BNC2: variants seen among roughly 807,000 people sequenced by gnomAD.
BNC2 encodes zinc finger protein basonuclin-2.
In BNC2, 20 loss-of-function variants were observed where a neutral mutation model predicts 76.3. The ratio of observed to expected loss-of-function variants is 0.26; its 90% CI spans 0.18 to 0.38. BNC2 has a LOEUF of 0.38. Ranked by LOEUF, BNC2 falls within the 10% of genes least tolerant of loss-of-function variation. The pLI is 1.00. For missense variants in BNC2, 1,382 were observed against 1,399.8 expected, an observed-to-expected ratio of 0.99 and a Z score of 0.20; for synonymous variants, 582 against 514.8, an observed-to-expected ratio of 1.13 and a Z score of -1.77.
In BNC2 at chr9:16,445,643, T is replaced by C. The variant is rs143456179; in HGVS notation, c.670-8119A>G. The stretch of plus-strand genomic sequence containing the variant: ...CCAATCACATCCCTACTCTCCTCTC[T>C]AGGACAGGGATGCCCCATGAGTGAG... On this transcript the variant is annotated intron_variant, in intron 5 of 6. Transcript: ENST00000380672. Among the ~76,000 whole-genome samples the C allele has an allele frequency of 2.2e-3, 332 of 152,310 alleles. 1 individual carries two copies. Among genetic ancestry groups the C allele is most frequent in the African/African-American group, 7.7e-3 (319 of 41,568 alleles).
At chr9:16,676,031 C>T (rs1475019237) in intron 3 of BNC2, among the ~76,000 whole-genome samples, 1 of 152,138 alleles carries the variant, frequency 6.6e-6, no homozygotes, top group African/African-American at 2.4e-5. Flanking sequence ...CACCACTGCG[C>T]TCCAGCCTGG....
At chr9:16,440,834 A>G (rs1445946424) in intron 5 of BNC2, among the ~76,000 whole-genome samples, 1 of 152,248 alleles carries the variant, frequency 6.6e-6, no homozygotes, top group Non-Finnish European at 1.5e-5. Context: ...GATCCAGGTA[A>G]GTATGATTTA....
intron 3 of BNC2, among the ~76,000 whole-genome samples, chr9:16,633,333 A>G (rs1821222549): frequency 6.6e-6 from 1 of 152,238 alleles, no homozygotes; most frequent in Non-Finnish European, 1.5e-5. Context: ...AAATGTTATT[A>G]ATAAGCCTTA....
At chr9:16,700,337 T>A (rs571095763) in intron 3 of BNC2, among the ~76,000 whole-genome samples, 2 of 152,150 alleles carry the variant, frequency 1.3e-5, no homozygotes, top group East Asian at 3.9e-4. Flanking sequence ...CTGCTTGAGG[T>A]CTTGATAGCA....
intron 3 of BNC2, among the ~76,000 whole-genome samples, chr9:16,618,786 C>G (rs1176738209): frequency 6.6e-6 from 1 of 152,100 alleles, no homozygotes; most frequent in South Asian, 2.1e-4. Context: ...GCTCTAACAC[C>G]GGCTTTGTCA....
intron 1 of BNC2, among the ~76,000 whole-genome samples, chr9:16,817,859 C>T (rs1036767027): frequency 6.6e-6 from 1 of 152,068 alleles, no homozygotes; most frequent in Non-Finnish European, 1.5e-5. Flanking sequence ...ATTTGATTTA[C>T]TTTTATGTTT....
chr9:16,533,445 TAA>T (rs781174343), intron 5 of BNC2, among the ~76,000 whole-genome samples: 2 of 152,054 alleles, frequency 1.3e-5, no homozygotes, highest in Non-Finnish European at 2.9e-5. Context: ...GAATAAAGCA[TAA>T]AAGAGAAATA....
chr9:16,713,798 G>T (rs1823919216), intron 3 of BNC2, among the ~76,000 whole-genome samples: 1 of 152,112 alleles, frequency 6.6e-6, no homozygotes, highest in Admixed American at 6.6e-5. Context: ...TTTTGGCTGG[G>T]CGTGGTGCCC....
chr9:16,481,101 G>A (rs1822044477), intron 5 of BNC2, among the ~76,000 whole-genome samples: 1 of 152,030 alleles, frequency 6.6e-6, no homozygotes, highest in Non-Finnish European at 1.5e-5. Flanking sequence ...TCAGGGTTTG[G>A]GCTCTGGTGG....
intron 6 of BNC2, among the ~76,000 whole-genome samples, chr9:16,425,367 G>C (rs1820784385): frequency 1.3e-5 from 2 of 151,422 alleles, no homozygotes; most frequent in East Asian, 2.0e-4. Context: ...TCAATTCACA[G>C]TGAATTATGC....
intron 5 of BNC2, among the ~76,000 whole-genome samples, chr9:16,526,938 T>C (rs1817822858): frequency 1.3e-5 from 2 of 152,174 alleles, no homozygotes; most frequent in Admixed American, 1.3e-4. Context: ...GGCATTTTAG[T>C]TGGTACAGTC....
intron 3 of BNC2, among the ~76,000 whole-genome samples, chr9:16,583,615 C>T (rs1182355697): frequency 2.0e-5 from 3 of 152,106 alleles, no homozygotes; most frequent in Non-Finnish European, 2.9e-5. Context: ...CTCCTGTGCT[C>T]AATAAGACCT....
At position 16,498,240 on chromosome 9, in the gene BNC2, CAT is replaced by C. The variant is rs756865653; in HGVS notation, c.669+54288_669+54289del. Reference sequence around the variant, plus strand: ...ATTCCATCATATATATATATTCCATCATATATATATATATTCCATCATATATA... The same window carrying C: ...ATTCCATCATATATATATATTCCATCATATATATATATTCCATCATATATA... On this transcript the variant is annotated intron_variant, in intron 5 of 6. Transcript: ENST00000380672. Among the ~76,000 whole-genome samples the C allele has an allele frequency of 1.2e-3, 115 of 99,112 alleles. 2 individuals are homozygous for C. The highest frequency in any genetic ancestry group is 2.0e-3 in the African/African-American group (62 of 30,962). The allele number at this position is 99,112 out of a possible 152,430, so 65.0% of individuals were successfully genotyped here. A position where few individuals can be genotyped will look rare whatever the true frequency, so the allele number is the denominator to read the frequency against.
At chr9:16,642,043 T>G (rs1307415055) in intron 3 of BNC2, among the ~76,000 whole-genome samples, 1 of 152,206 alleles carries the variant, frequency 6.6e-6, no homozygotes, top group Non-Finnish European at 1.5e-5. Flanking sequence ...AAGCAACATT[T>G]ATCATCTGAT....
chr9:16,768,497 T>C (rs1219337065), intron 1 of BNC2, among the ~76,000 whole-genome samples: 6 of 152,030 alleles, frequency 3.9e-5, no homozygotes, highest in Admixed American at 3.9e-4. Flanking sequence ...GTTGGGGAGA[T>C]GTGTTTAGTT....
intron 3 of BNC2, among the ~76,000 whole-genome samples, chr9:16,678,839 A>C (rs1822738177): frequency 6.6e-6 from 1 of 152,178 alleles, no homozygotes; most frequent in African/African-American, 2.4e-5. Flanking sequence ...TCCTTTGTAA[A>C]GAAACTGGAG....
At chr9:16,674,797 C>T (rs890624570) in intron 3 of BNC2, among the ~76,000 whole-genome samples, 1 of 152,112 alleles carries the variant, frequency 6.6e-6, no homozygotes, top group Non-Finnish European at 1.5e-5. Flanking sequence ...ACTTGGTCTG[C>T]GTATATGCTC....
intron 3 of BNC2, among the ~76,000 whole-genome samples, chr9:16,719,672 T>C (rs1377408382): frequency 2.0e-5 from 3 of 152,240 alleles, no homozygotes; most frequent in Non-Finnish European, 4.4e-5. Context: ...TAACAATCTG[T>C]ATGCCTTGTG....
At chr9:16,432,356 A>C (rs941256738) in intron 6 of BNC2, among the ~76,000 whole-genome samples, 12 of 152,232 alleles carry the variant, frequency 7.9e-5, no homozygotes, top group Non-Finnish European at 1.8e-4. Context: ...ATCTAGAAGG[A>C]CCATAAACAA....
Sources: gnomAD v4.1 joint callset for allele counts (sites outside exome capture counted in the v4.1 genomes callset) on GRCh38, gnomAD v4.1.1 for gene constraint, MANE v1.5 for transcripts, NCBI Gene and HGNC (gene_info 2026-07-23, HGNC 2026-07-21) for gene names.